KHDRBS2: variants seen among roughly 807,000 people sequenced by gnomAD.
KHDRBS2 encodes the protein KH domain-containing, RNA-binding, signal transduction-associated protein 2.
Under a neutral mutation model 44.3 loss-of-function variants are expected in KHDRBS2, and 26 were observed. The observed-to-expected ratio is 0.59, with a 90% CI of 0.43 to 0.81. KHDRBS2 has a LOEUF of 0.81. Among genes scored for constraint, KHDRBS2 ranks in the 40% least tolerant of loss-of-function variants. The pLI is 0.00. For synonymous variants in KHDRBS2, 194 were observed against 151.1 expected (o/e 1.28, Z -2.08); for missense variants, 476 against 433.1 (o/e 1.10, Z -0.88).
chr6:61,593,879 T>C, the KHDRBS2 span, among the ~76,000 whole-genome samples: 1 of 152,126 alleles, frequency 6.6e-6, no homozygotes. Context: ...AAGTATCAGG[T>C]TAATCTTTCT....
intron 1 of KHDRBS2, among the ~76,000 whole-genome samples, chr6:62,258,215 G>A (rs553361634): frequency 2.0e-5 from 3 of 152,024 alleles, no homozygotes; most frequent in Non-Finnish European, 4.4e-5. Flanking sequence ...ATCCCTGAAG[G>A]ATAAAGACGC....
chr6:62,174,021 C>T lies in KHDRBS2; in HGVS notation c.219+3164G>A, dbSNP rs565050551. 2.0e-5 allele frequency among the ~76,000 whole-genome samples: 3 copies of T among 151,986 alleles called. No individual in the cohort carries two copies. The South Asian group carries it at 6.2e-4, about 32-fold the overall frequency. On this transcript the variant is annotated intron_variant, in intron 2 of 8. Coordinates refer to ENST00000281156, the MANE Select transcript of KHDRBS2 (RefSeq NM_152688.4). ...GAACAGACAGTGACACCCTCTCTCACTACTCATATTCAACATAATACTGGA... is the reference window on the plus strand; with the variant it reads ...GAACAGACAGTGACACCCTCTCTCATTACTCATATTCAACATAATACTGGA...
chr6:61,881,920 A>G (rs1800263379), intron 6 of KHDRBS2, among the ~76,000 whole-genome samples: 1 of 152,028 alleles, frequency 6.6e-6, no homozygotes, highest in Admixed American at 6.6e-5. Flanking sequence ...TATTGTAGCT[A>G]TATTATTTAA....
At chr6:61,886,496 C>G (rs1265625311) in intron 6 of KHDRBS2, among the ~76,000 whole-genome samples, 4 of 151,012 alleles carry the variant, frequency 2.6e-5, no homozygotes. Context: ...GTGATAATTC[C>G]CTTTCCTGGA....
the KHDRBS2 span, among the ~76,000 whole-genome samples, chr6:61,637,907 TGA>T: frequency 6.6e-6 from 1 of 152,110 alleles, no homozygotes; most frequent in Admixed American, 6.6e-5. Context: ...TAAATTTGTT[TGA>T]GTTCATTGTA....
At chr6:61,642,604 T>C in the KHDRBS2 span, among the ~76,000 whole-genome samples, 2 of 149,700 alleles carry the variant, frequency 1.3e-5, no homozygotes, top group East Asian at 3.9e-4. Context: ...GAGGTTGCAG[T>C]GAGCTGAAAT....
At chr6:62,239,625 G>GA (rs200967840) in intron 1 of KHDRBS2, among the ~76,000 whole-genome samples, 1 of 151,442 alleles carries the variant, frequency 6.6e-6, no homozygotes, top group Non-Finnish European at 1.5e-5. Context: ...CTTTTGGGGG[G>GA]AAAAAAAGGG....
intron 3 of KHDRBS2, among the ~76,000 whole-genome samples, chr6:61,993,675 T>TAGATATATATATATA (rs61137285): frequency 1.3e-5 from 1 of 74,948 alleles, no homozygotes; most frequent in Non-Finnish European, 2.8e-5. Flanking sequence ...ATATATATAT[T>TAGATATATATATATA]TTTTTTTTTT....
intron 2 of KHDRBS2, among the ~76,000 whole-genome samples, chr6:62,073,635 T>C (rs527845025): frequency 1.3e-5 from 2 of 151,420 alleles, no homozygotes; most frequent in East Asian, 3.9e-4. Flanking sequence ...TTTATTAAGG[T>C]GGAAGTTTAG....
At chr6:61,644,191 A>G in the KHDRBS2 span, among the ~76,000 whole-genome samples, 1 of 152,130 alleles carries the variant, frequency 6.6e-6, no homozygotes, top group East Asian at 1.9e-4. Flanking sequence ...GCCAACAAAA[A>G]CAAGCAATGG....
intron 2 of KHDRBS2, among the ~76,000 whole-genome samples, chr6:62,138,343 C>T (rs1490507617): frequency 6.6e-6 from 1 of 152,144 alleles, no homozygotes; most frequent in East Asian, 1.9e-4. Context: ...AGATGCAGTG[C>T]CACTTCTGCA....
chr6:61,577,443 A>G, the KHDRBS2 span, among the ~76,000 whole-genome samples: 3 of 152,168 alleles, frequency 2.0e-5, no homozygotes, highest in Non-Finnish European at 4.4e-5. Flanking sequence ...TCACAATGCT[A>G]TTTTAGGGTC....
intron 2 of KHDRBS2, among the ~76,000 whole-genome samples, chr6:62,150,136 A>G (rs546504778): frequency 6.2e-4 from 95 of 152,284 alleles, no homozygotes; most frequent in South Asian, 4.4e-3. Context: ...GCCAACGGGA[A>G]TTACTAGATT....
intron 7 of KHDRBS2, among the ~76,000 whole-genome samples, chr6:61,712,520 T>A (rs1770674687): frequency 6.6e-6 from 1 of 151,832 alleles, no homozygotes; most frequent in Non-Finnish European, 1.5e-5. Context: ...AAAAATAGAA[T>A]GAAGTATTTG....
the KHDRBS2 span, among the ~76,000 whole-genome samples, chr6:61,662,680 C>T: frequency 1.3e-5 from 2 of 151,858 alleles, no homozygotes; most frequent in African/African-American, 4.8e-5. Flanking sequence ...CAGAGAAATG[C>T]AAATCAAAAC....
intron 3 of KHDRBS2, among the ~76,000 whole-genome samples, chr6:62,036,573 C>T (rs918401352): frequency 6.6e-6 from 1 of 151,884 alleles, no homozygotes; most frequent in Non-Finnish European, 1.5e-5. Context: ...AATTTGGATC[C>T]ATTTTCTATT....
chr6:61,836,980 A>G (rs1583084573), intron 6 of KHDRBS2, among the ~76,000 whole-genome samples: 2 of 151,974 alleles, frequency 1.3e-5, no homozygotes, highest in Non-Finnish European at 2.9e-5. Context: ...TCTATTGTGC[A>G]GTACTGGCAG....
At chr6:62,038,548 G>T (rs1490435912) in intron 3 of KHDRBS2, among the ~76,000 whole-genome samples, 3 of 151,984 alleles carry the variant, frequency 2.0e-5, no homozygotes, top group Admixed American at 1.3e-4. Context: ...AAACTGGTAA[G>T]AAAATAGATC....
At chr6:62,199,515 T>C (rs1227918033) in intron 1 of KHDRBS2, among the ~76,000 whole-genome samples, 1 of 152,040 alleles carries the variant, frequency 6.6e-6, no homozygotes, top group African/African-American at 2.4e-5. Context: ...TACCTAGGAA[T>C]CCAACTTACA....
Sources: allele counts gnomAD v4.1 joint callset (sites outside exome capture counted in the v4.1 genomes callset), GRCh38; gene constraint gnomAD v4.1.1; transcripts MANE v1.5; gene names NCBI Gene and HGNC (gene_info 2026-07-23, HGNC 2026-07-21).